The following RFX7 variants were observed in gnomAD, a reference collection of about 807,000 sequenced individuals.
RFX7 encodes the protein regulatory factor X7.
A neutral mutation model predicts 111.8 loss-of-function variants in RFX7; 26 were observed. The observed-to-expected ratio is 0.23, with a 90% CI of 0.17 to 0.32. The LOEUF is 0.32. Among genes scored for constraint, RFX7 ranks in the 10% least tolerant of loss-of-function variants. RFX7 has a pLI of 1.00. For missense variants in RFX7, 1,573 were observed against 1,772.9 expected (o/e 0.89, Z 2.02); for synonymous variants, 624 against 624.4 (o/e 1.00, Z 0.01).
intron 3 of RFX7, among the ~76,000 whole-genome samples, chr15:56,176,734 C>T (rs1311082170): frequency 3.3e-5 from 5 of 152,058 alleles, no homozygotes; most frequent in African/African-American, 9.7e-5. Flanking sequence ...TTCCCCTCCA[C>T]ATTGAATCTA....
intron 2 of RFX7, among the ~76,000 whole-genome samples, chr15:56,219,893 T>A (rs537801548): frequency 2.3e-4 from 35 of 152,360 alleles, no homozygotes; most frequent in African/African-American, 7.9e-4. Context: ...AATAATGGGA[T>A]TGCTGGGTCA....
At position 56,093,074 on chromosome 15, in the gene RFX7, T is replaced by C. The variant is rs1404260091; in HGVS notation, c.*271A>G. 2 of 354,880 alleles carry C rather than the reference T, an allele frequency of 5.6e-6. No homozygotes were observed. The highest frequency in any genetic ancestry group is 4.1e-5 in the African/African-American group (2 of 48,408). The allele number at this position is 354,880 out of a possible 1,614,324, so 22.0% of individuals were successfully genotyped here. On this transcript the variant is annotated 3_prime_UTR_variant, in exon 10 of 10. Transcript: ENST00000559447. The stretch of plus-strand genomic sequence containing the variant: ...ACACAAAATAAAGATCGACTGCTCT[T>C]GTAACAGCTGGATAGTCAATCAATG...
At chr15:56,237,068 T>A (rs114663010) in intron 2 of RFX7, among the ~76,000 whole-genome samples, 1 of 152,050 alleles carries the variant, frequency 6.6e-6, no homozygotes, top group African/African-American at 2.4e-5. Flanking sequence ...TTGCCTATGA[T>A]AAATTAATTA....
At chr15:56,143,170 T>G (rs1210807236) in intron 4 of RFX7, among the ~76,000 whole-genome samples, 1 of 152,118 alleles carries the variant, frequency 6.6e-6, no homozygotes, top group African/African-American at 2.4e-5. Context: ...AAATCACCTT[T>G]AAGTGGGTAT....
At chr15:56,140,673 A>T (rs2042379652) in intron 5 of RFX7, among the ~76,000 whole-genome samples, 2 of 152,186 alleles carry the variant, frequency 1.3e-5, no homozygotes. Flanking sequence ...ACTGAACTGT[A>T]AATTAATTGC....
chr15:56,135,397 G>C (rs1204596040), intron 5 of RFX7, among the ~76,000 whole-genome samples: 1 of 152,112 alleles, frequency 6.6e-6, no homozygotes, highest in African/African-American at 2.4e-5. Flanking sequence ...GTGTTTTTTG[G>C]CTGCATAAAT....
At chr15:56,195,286 C>T (rs1289751727) in intron 2 of RFX7, among the ~76,000 whole-genome samples, 1 of 152,002 alleles carries the variant, frequency 6.6e-6, no homozygotes, top group Middle Eastern at 3.2e-3. Flanking sequence ...ATGCATATTC[C>T]TTTTGGATGA....
chr15:56,143,229 A>C (rs1044773587), intron 4 of RFX7, among the ~76,000 whole-genome samples: 15 of 152,112 alleles, frequency 9.9e-5, no homozygotes, highest in Non-Finnish European at 4.4e-5. Flanking sequence ...CAAATAAATC[A>C]TCAAACTTTA....
chr15:56,190,982 T>G (rs2043094829), intron 2 of RFX7, among the ~76,000 whole-genome samples: 1 of 152,214 alleles, frequency 6.6e-6, no homozygotes. Context: ...AAGAGACATC[T>G]TAGAAATTAA....
chr15:56,093,027 T>A lies in RFX7; in HGVS notation c.*318A>T, dbSNP rs560198016. Reference sequence around the variant, plus strand: ...TTTATTCTGAGTTCTGTGCAGATCATCTGATGAAATGAAACTAACTTACAC... The same window carrying A: ...TTTATTCTGAGTTCTGTGCAGATCAACTGATGAAATGAAACTAACTTACAC... On this transcript the variant is annotated 3_prime_UTR_variant, in exon 10 of 10. Transcript: ENST00000559447. The A allele has an allele frequency of 4.0e-6, 1 of 248,546 alleles. No homozygotes were observed. The highest frequency in any genetic ancestry group is 2.2e-5 in the African/African-American group (1 of 44,954). The allele number at this position is 248,546 out of a possible 1,614,324, so 15.4% of individuals were successfully genotyped here.
chr15:56,134,884 G>C (rs542489865), intron 5 of RFX7, among the ~76,000 whole-genome samples: 2 of 151,792 alleles, frequency 1.3e-5, no homozygotes, highest in African/African-American at 4.8e-5. Context: ...TTGTTCTTGC[G>C]ATAGTTTACT....
At chr15:56,111,960 C>A (rs2140942676) in intron 5 of RFX7, among the ~76,000 whole-genome samples, 1 of 151,952 alleles carries the variant, frequency 6.6e-6, no homozygotes, top group East Asian at 1.9e-4. Context: ...ACTAAAAATA[C>A]AAAAACTAGC....
intron 5 of RFX7, among the ~76,000 whole-genome samples, chr15:56,127,549 G>T (rs1194717222): frequency 8.4e-6 from 1 of 119,464 alleles, no homozygotes; most frequent in Non-Finnish European, 1.9e-5. Flanking sequence ...TTTTTGAAAA[G>T]ATTTTTTTTT....
At chr15:56,099,489 T>C (rs2140522326) in intron 8 of RFX7, among the ~76,000 whole-genome samples, 1 of 152,268 alleles carries the variant, frequency 6.6e-6, no homozygotes, top group South Asian at 2.1e-4. Flanking sequence ...GCACCTGCAC[T>C]CTGGAGAGCC....
At chr15:56,179,692 G>A (rs535708415) in intron 2 of RFX7, among the ~76,000 whole-genome samples, 5 of 150,866 alleles carry the variant, frequency 3.3e-5, no homozygotes, top group South Asian at 2.1e-4. Flanking sequence ...AAGTCATAAC[G>A]ATGTACTACA....
chr15:56,194,024 T>C (rs2043123780), intron 2 of RFX7, among the ~76,000 whole-genome samples: 1 of 152,098 alleles, frequency 6.6e-6, no homozygotes, highest in Non-Finnish European at 1.5e-5. Flanking sequence ...CAAACATATA[T>C]AATATATAAT....
At chr15:56,131,222 T>G (rs192012969) in intron 5 of RFX7, among the ~76,000 whole-genome samples, 38 of 151,838 alleles carry the variant, frequency 2.5e-4, no homozygotes, top group African/African-American at 8.7e-4. Context: ...TAACACGTCT[T>G]GACATAAGGA....
intron 5 of RFX7, among the ~76,000 whole-genome samples, chr15:56,139,315 C>G (rs1484408196): frequency 6.6e-6 from 1 of 151,960 alleles, no homozygotes; most frequent in Non-Finnish European, 1.5e-5. Flanking sequence ...TTGCTCATTT[C>G]TTTTTATTCT....
At chr15:56,166,670 C>T (rs576276305) in intron 3 of RFX7, among the ~76,000 whole-genome samples, 1 of 151,996 alleles carries the variant, frequency 6.6e-6, no homozygotes, top group African/African-American at 2.4e-5. Flanking sequence ...ACATACTGCA[C>T]AAATAAGGTT....
Sources: allele counts gnomAD v4.1 joint callset (sites outside exome capture counted in the v4.1 genomes callset), GRCh38; gene constraint gnomAD v4.1.1; transcripts MANE v1.5; gene names NCBI Gene and HGNC (gene_info 2026-07-23, HGNC 2026-07-21).